BTBD9: variants seen among roughly 807,000 people sequenced by gnomAD.
BTBD9 encodes BTB domain containing 9.
A neutral mutation model predicts 64.3 loss-of-function variants in BTBD9; 49 were observed. The observed-to-expected ratio is 0.76, with a 90% CI of 0.61 to 0.97. The LOEUF (loss-of-function observed/expected upper bound fraction) is 0.97. BTBD9 is among the 50% of genes least tolerant of loss of function. The probability of loss-of-function intolerance (pLI) is 0.00; values close to 1 mark genes in which losing one functional copy is unlikely to be tolerated. For synonymous variants in BTBD9, 260 were observed against 274.7 expected (o/e 0.95, Z 0.53); for missense variants, 598 against 762.1 (o/e 0.78, Z 2.53).
intron 6 of BTBD9, among the ~76,000 whole-genome samples, chr6:38,482,853 AAGGTAAG>A (rs1771220458): frequency 6.6e-6 from 1 of 152,118 alleles, no homozygotes; most frequent in Admixed American, 6.5e-5. Context: ...TGTCAACATG[AAGGTAAG>A]GCTTCCATTT....
intron 7 of BTBD9, among the ~76,000 whole-genome samples, chr6:38,321,012 A>C (rs1208544201): frequency 6.6e-6 from 1 of 152,240 alleles, no homozygotes; most frequent in East Asian, 1.9e-4. Flanking sequence ...GGGGACAGCA[A>C]TTTCTGACCT....
At chr6:38,547,362 C>A (rs1314102399) in intron 6 of BTBD9, among the ~76,000 whole-genome samples, 1 of 151,968 alleles carries the variant, frequency 6.6e-6, no homozygotes, top group African/African-American at 2.4e-5. Flanking sequence ...CCTGGGAGGT[C>A]GAGGCTGCAG....
At chr6:38,309,057 T>C (rs1204994400) in intron 7 of BTBD9, among the ~76,000 whole-genome samples, 1 of 151,712 alleles carries the variant, frequency 6.6e-6, no homozygotes, top group African/African-American at 2.4e-5. Flanking sequence ...ACAAAAGACA[T>C]GCAAAAGGTT....
intron 8 of BTBD9, among the ~76,000 whole-genome samples, chr6:38,271,984 G>A (rs1454387051): frequency 1.3e-5 from 2 of 151,842 alleles, no homozygotes; most frequent in East Asian, 1.9e-4. Context: ...GGGGGGAGGG[G>A]GGGAAGCAGC....
intron 6 of BTBD9, among the ~76,000 whole-genome samples, chr6:38,514,308 T>C (rs1280450229): frequency 1.3e-5 from 2 of 152,274 alleles, no homozygotes; most frequent in Non-Finnish European, 2.9e-5. Context: ...ATTCCTAATA[T>C]GTGTCTATTC....
intron 6 of BTBD9, among the ~76,000 whole-genome samples, chr6:38,449,673 G>A (rs1400402194): frequency 6.6e-6 from 1 of 152,118 alleles, no homozygotes; most frequent in Non-Finnish European, 1.5e-5. Context: ...GGGAGGCCAA[G>A]GTAGGAGGAT....
chr6:38,262,821 T>C (rs1466962638), intron 8 of BTBD9, among the ~76,000 whole-genome samples: 1 of 152,234 alleles, frequency 6.6e-6, no homozygotes, highest in Non-Finnish European at 1.5e-5. Context: ...TGGCACTTTT[T>C]TCATCCTTTT....
chr6:38,290,290 G>C (rs1204713254), intron 7 of BTBD9, among the ~76,000 whole-genome samples: 2 of 151,602 alleles, frequency 1.3e-5, no homozygotes, highest in African/African-American at 4.9e-5. Flanking sequence ...TCCTGGCAGA[G>C]AAGGAGCTCA....
rs572482754 is a variant in BTBD9 at position 38,330,067 on chromosome 6, TA to T, written c.1264+14916del. ...TTTTTTCTTTTCTTTTTTTTTGTTT[TA>T]TTTTGAGACAGAGTTTGGCTCTGTC... On this transcript the variant is annotated intron_variant, in intron 7 of 10. Coordinates refer to ENST00000481247, the MANE Select transcript of BTBD9 (RefSeq NM_001099272.2). Among the ~76,000 whole-genome samples, 1,163 of 151,978 alleles carry T rather than the reference TA, an allele frequency of 7.7e-3. 16 individuals carry two copies. The highest frequency in any genetic ancestry group is 0.027 in the African/African-American group (1,123 of 41,412).
chr6:38,393,956 G>A (rs1037044426), intron 6 of BTBD9, among the ~76,000 whole-genome samples: 3 of 152,108 alleles, frequency 2.0e-5, no homozygotes, highest in Non-Finnish European at 4.4e-5. Context: ...ATACAAAAAC[G>A]AAAAGATGAG....
chr6:38,512,797 C>A (rs571287107), intron 6 of BTBD9, among the ~76,000 whole-genome samples: 1 of 152,176 alleles, frequency 6.6e-6, no homozygotes, highest in East Asian at 1.9e-4. Flanking sequence ...TATATAAATA[C>A]GTTTAGCTAT....
chr6:38,213,965 C>T (rs951777705), intron 9 of BTBD9, among the ~76,000 whole-genome samples: 59 of 151,652 alleles, frequency 3.9e-4, no homozygotes, highest in Admixed American at 2.0e-4. Context: ...CACTGCACTC[C>T]AGCCTGGGTG....
At chr6:38,498,214 C>T (rs1324794861) in intron 6 of BTBD9, among the ~76,000 whole-genome samples, 1 of 152,126 alleles carries the variant, frequency 6.6e-6, no homozygotes, top group Non-Finnish European at 1.5e-5. Context: ...AAACCAAATC[C>T]AACCTATCCC....
chr6:38,482,595 T>G (rs1030818463), intron 6 of BTBD9: 1 of 152,202 alleles, frequency 6.6e-6, no homozygotes, highest in African/African-American at 2.4e-5. Context: ...TCCTTTCTAC[T>G]GATGTAGCTG....
chr6:38,328,564 C>CGTATGTGT (rs1554139323), intron 7 of BTBD9, among the ~76,000 whole-genome samples: 4 of 130,408 alleles, frequency 3.1e-5, no homozygotes, highest in African/African-American at 1.2e-4. Flanking sequence ...TTTAAGCCAC[C>CGTATGTGT]GTGTGTGTGT....
At chr6:38,194,471 T>G (rs1762205837) in intron 9 of BTBD9, among the ~76,000 whole-genome samples, 1 of 152,198 alleles carries the variant, frequency 6.6e-6, no homozygotes, top group Non-Finnish European at 1.5e-5. Context: ...AGGACTGGCT[T>G]GGGGAGGCGG....
intron 9 of BTBD9, 27 bp from the exon 10 acceptor site, chr6:38,192,624 G>A: frequency 1.3e-6 from 2 of 1,597,366 alleles, no homozygotes; most frequent in Non-Finnish European, 1.7e-6. Flanking sequence ...CCATTTGCCT[G>A]ATTAGATGGT....
At position 38,178,664 on chromosome 6, in the gene BTBD9, G is replaced by A. The variant is rs571830449; in HGVS notation, c.1642-3482C>T. ...GATGGAGGAGGGGGGGACTTGGTGT[G>A]GAAGAAAAACAGGAAGAACTACACA... On this transcript the variant is annotated intron_variant, in intron 10 of 10. Transcript: ENST00000481247. 3.3e-5 allele frequency among the ~76,000 whole-genome samples: 5 copies of A among 150,526 alleles called. No homozygotes were observed. In the South Asian group the frequency reaches 1.1e-3, roughly 32 times the overall value.
At chr6:38,472,523 T>C (rs989823412) in intron 6 of BTBD9, among the ~76,000 whole-genome samples, 7 of 152,148 alleles carry the variant, frequency 4.6e-5, no homozygotes, top group African/African-American at 1.7e-4. Context: ...TGGTCTTTTA[T>C]ATAACTTAAA....
Sources: gnomAD v4.1 joint callset for allele counts (sites outside exome capture counted in the v4.1 genomes callset) on GRCh38, gnomAD v4.1.1 for gene constraint, MANE v1.5 for transcripts, NCBI Gene and HGNC (gene_info 2026-07-23, HGNC 2026-07-21) for gene names.